Variants in ZNF577 observed in about 807,000 individuals in gnomAD.
The protein encoded by ZNF577 is zinc finger protein 577.
ZNF577 carries 14 observed loss-of-function variants against 13.9 expected under a neutral mutation model. The ratio of observed to expected loss-of-function variants is 1.00; its 90% CI spans 0.66 to 1.57. The LOEUF (loss-of-function observed/expected upper bound fraction) is 1.57, where lower values mean the gene tolerates loss of function less well. Among genes scored for constraint, ZNF577 ranks in the 40% most tolerant of loss-of-function variants. The pLI is 0.00. For missense variants in ZNF577, 555 were observed against 579.2 expected (o/e 0.96, Z 0.43); for synonymous variants, 203 against 202.9 (o/e 1.00, Z 0.00).
intron 10 of ZNF577, among the ~76,000 whole-genome samples, chr19:51,806,705 G>A (rs1337426462): frequency 6.6e-6 from 1 of 152,182 alleles, no homozygotes; most frequent in East Asian, 1.9e-4. Context: ...TAATTGTTTA[G>A]GTATTCCCAT....
At chr19:51,836,170 C>G (rs1273724549) in intron 9 of ZNF577, among the ~76,000 whole-genome samples, 1 of 152,200 alleles carries the variant, frequency 6.6e-6, no homozygotes, top group Non-Finnish European at 1.5e-5. Flanking sequence ...GATTACTCAT[C>G]ATGTGGAAAT....
In ZNF577 at chr19:51,873,367, TG is replaced by T; in HGVS notation, c.622del (p.His208ThrfsTer106). On this transcript the variant is annotated frameshift_variant, in exon 6 of 6. Coordinates refer to ENST00000638348, the MANE Select transcript of ZNF577 (RefSeq NM_001370449.1). LOFTEE classifies it low-confidence loss of function (END_TRUNC). ...KIQLTEHQRT[H>X]TGEKPHECSE... ...ACATTCATGGGGCTTCTCTCCTGTG[TG>T]AGTTCTCTGATGCTCAGTGAGCTGA... 6.2e-7 allele frequency: 1 copy of T among 1,614,020 alleles called. No homozygotes were observed. The highest frequency in any genetic ancestry group is 8.5e-7 in the Non-Finnish European group (1 of 1,179,854).
rs760137716 is a variant in ZNF577, at chr19:51,824,477, C to A, written c.*600-12803G>T. 6.2e-7 allele frequency: 1 copy of A among 1,613,914 alleles called. No homozygotes were observed. The highest frequency in any genetic ancestry group is 8.5e-7 in the Non-Finnish European group (1 of 1,179,998). On this transcript the variant is annotated intron_variant and NMD_transcript_variant, in intron 9 of 10. Coordinates refer to the ZNF577 transcript ENST00000638827. The surrounding 1 kb of genome is among the most constrained non-coding windows in gnomAD (Gnocchi z 4.7). ...AATCCAGCCGTCCCTTACGTGTCTT[C>A]GCTGCTGTGGTGGCTTCTTTCTTCA...
intron 5 of ZNF577, among the ~76,000 whole-genome samples, chr19:51,858,584 A>C (rs1032994490): frequency 1.3e-5 from 2 of 152,242 alleles, no homozygotes; most frequent in Non-Finnish European, 2.9e-5. Flanking sequence ...AGGGGCAAAA[A>C]TCTAGAGAAA....
chr19:51,851,583 T>C (rs2084378823), intron 5 of ZNF577, among the ~76,000 whole-genome samples: 1 of 152,130 alleles, frequency 6.6e-6, no homozygotes, highest in Non-Finnish European at 1.5e-5. Flanking sequence ...CTGACACCCA[T>C]AATGCCCCCA....
intron 10 of ZNF577, among the ~76,000 whole-genome samples, chr19:51,809,091 C>T (rs1446297441): frequency 6.6e-6 from 1 of 152,206 alleles, no homozygotes; most frequent in Non-Finnish European, 1.5e-5. Context: ...ACATTTTCCC[C>T]TCTGATATCT....
In ZNF577 at chr19:51,869,493, C is replaced by T. The variant is rs186138649; in HGVS notation, c.*3039G>A. Among the ~76,000 whole-genome samples the T allele has an allele frequency of 3.9e-4, 59 of 152,254 alleles. No individual in the cohort carries two copies. Among genetic ancestry groups the T allele is most frequent in the Admixed American group, 2.7e-3 (41 of 15,288 alleles). On this transcript the variant is annotated 3_prime_UTR_variant, in exon 6 of 6. Transcript: ENST00000638348. ...TATAGTCCTGCCACATCCCCCTCTC[C>T]GAGATGGTAGAGATAGTGATCAACA...
At chr19:51,823,328 C>T (rs2084204493) in intron 9 of ZNF577, among the ~76,000 whole-genome samples, 1 of 151,992 alleles carries the variant, frequency 6.6e-6, no homozygotes, top group Non-Finnish European at 1.5e-5. Flanking sequence ...AGCATGGGGC[C>T]GAAAGAAGTT....
At chr19:51,819,505 A>G (rs1599839640) in intron 9 of ZNF577, among the ~76,000 whole-genome samples, 1 of 150,448 alleles carries the variant, frequency 6.6e-6, no homozygotes, top group Non-Finnish European at 1.5e-5. Context: ...TGGAAAAAAA[A>G]TGTGTTTGAA....
At chr19:51,873,917 T>C (rs899605269) in intron 5 of ZNF577, among the ~76,000 whole-genome samples, 1 of 152,130 alleles carries the variant, frequency 6.6e-6, no homozygotes, top group Admixed American at 6.5e-5. Context: ...AATATGAACA[T>C]CCATGATAAT....
chr19:51,824,489 G>A lies in ZNF577; in HGVS notation c.*600-12815C>T, dbSNP rs764167298. Reference sequence around the variant, plus strand: ...CCTTACGTGTCTTCGCTGCTGTGGTGGCTTCTTTCTTCATCTGTTGGTTCC... The same window carrying A: ...CCTTACGTGTCTTCGCTGCTGTGGTAGCTTCTTTCTTCATCTGTTGGTTCC... On this transcript the variant is annotated intron_variant and NMD_transcript_variant, in intron 9 of 10. Coordinates refer to the ZNF577 transcript ENST00000638827. This position sits in a 1 kb window ranked among gnomAD's most constrained non-coding sequence, Gnocchi z 4.7. 3 of 1,613,988 alleles carry A rather than the reference G, an allele frequency of 1.9e-6. No individual in the cohort carries two copies. The highest frequency in any genetic ancestry group is 4.5e-5 in the East Asian group (2 of 44,840).
intron 9 of ZNF577, among the ~76,000 whole-genome samples, chr19:51,837,857 G>C (rs1315537266): frequency 6.6e-6 from 1 of 151,992 alleles, no homozygotes; most frequent in African/African-American, 2.4e-5. Flanking sequence ...TAAAATATTA[G>C]CAAACCATAT....
At chr19:51,809,882 TG>T (rs1450994494) in intron 10 of ZNF577, among the ~76,000 whole-genome samples, 3 of 152,274 alleles carry the variant, frequency 2.0e-5, no homozygotes, top group African/African-American at 7.2e-5. Flanking sequence ...AGGTCTGGAC[TG>T]GGAATGCCCT....
At chr19:51,816,358 G>A (rs984375099) in intron 9 of ZNF577, among the ~76,000 whole-genome samples, 7 of 152,100 alleles carry the variant, frequency 4.6e-5, no homozygotes, top group African/African-American at 1.4e-4. Context: ...AATGATTCTC[G>A]TGCCTCAGCC....
In ZNF577 at chr19:51,871,847, A is replaced by G. The variant is rs1290454363; in HGVS notation, c.*685T>C. 1 of 152,168 alleles carries G rather than the reference A, an allele frequency of 6.6e-6. No individual in the cohort carries two copies. The highest frequency in any genetic ancestry group is 1.9e-4 in the East Asian group (1 of 5,184). 9.4% of individuals were successfully genotyped at this position (152,168 alleles called of 1,614,324 possible). A position where few individuals can be genotyped will look rare whatever the true frequency, so the allele number is the denominator to read the frequency against. ...GAAAGACGCTCCCCTAGAGCCTCCAAAAAGAAAAGCAGCCCTGTCAACAGC... is the reference window on the plus strand; with the variant it reads ...GAAAGACGCTCCCCTAGAGCCTCCAGAAAGAAAAGCAGCCCTGTCAACAGC... On this transcript the variant is annotated 3_prime_UTR_variant, in exon 6 of 6. Transcript: ENST00000638348.
chr19:51,806,454 C>A (rs536350838), intron 10 of ZNF577, among the ~76,000 whole-genome samples: 1 of 152,208 alleles, frequency 6.6e-6, no homozygotes, highest in Non-Finnish European at 1.5e-5. Flanking sequence ...GTCTTACCAT[C>A]CGTACCAGGA....
Position 51,877,319 on chromosome 19 carries a change from C to T in ZNF577, c.246G>A (p.Gly82=). 6.2e-7 allele frequency: 1 copy of T among 1,614,130 alleles called. No homozygotes were observed. ...GACTGTGGGCTGCTCCTTCTGCTAT[C>T]CCTGGGGGTTCTCCTTGCTCCAACT... ...LFKLEQGEPP[G]IAEGAAHSQI... is the part of the protein sequence containing the mutation. Residue 82 remains glycine (G), a synonymous_variant, in exon 5 of 6, where the codon GGG becomes GGA. Transcript: ENST00000638348.
chr19:51,860,190 G>A (rs927238555), intron 5 of ZNF577: 6 of 152,160 alleles, frequency 3.9e-5, no homozygotes, highest in African/African-American at 1.4e-4. Flanking sequence ...TTAAGACATG[G>A]TAGGATGTGA....
chr19:51,834,366 C>G (rs1408081708), intron 9 of ZNF577, among the ~76,000 whole-genome samples: 3 of 152,132 alleles, frequency 2.0e-5, no homozygotes, highest in Non-Finnish European at 4.4e-5. Context: ...ATTTATAAAC[C>G]ATTTCTTACA....
Sources: allele counts gnomAD v4.1 joint callset (sites outside exome capture counted in the v4.1 genomes callset), GRCh38; gene constraint gnomAD v4.1.1; non-coding constraint Gnocchi (gnomAD v3.1); transcripts MANE v1.5; gene names NCBI Gene and HGNC (gene_info 2026-07-23, HGNC 2026-07-21).